The following UBR2 variants were observed in gnomAD, a reference collection of about 807,000 sequenced individuals.
UBR2 encodes ubiquitin protein ligase E3 component n-recognin 2, also known as E3 ubiquitin-protein ligase UBR2.
In UBR2, 92 loss-of-function variants were observed where a neutral mutation model predicts 247.9. The observed-to-expected ratio is 0.37, with a 90% confidence interval of 0.31 to 0.44. The LOEUF is 0.44. UBR2 is among the 20% of genes least tolerant of loss of function. UBR2 has a pLI of 1.00. For missense variants in UBR2, 1,613 were observed against 2,112.6 expected (o/e 0.76, Z 4.64); for synonymous variants, 672 against 693.5 (o/e 0.97, Z 0.49).
At position 42,659,562 on chromosome 6, in the gene UBR2, C is replaced by CCTG; in HGVS notation, c.3243-94_3243-93insCTG. The CCTG allele has an allele frequency of 1.4e-6, 1 of 712,602 alleles. No homozygotes were observed. The highest frequency in any genetic ancestry group is 2.2e-6 in the Non-Finnish European group (1 of 444,924). The allele number at this position is 712,602 out of a possible 1,614,324, so 44.1% of individuals were successfully genotyped here. On this transcript the variant is annotated intron_variant, in intron 29 of 46. Coordinates refer to ENST00000372901, the MANE Select transcript of UBR2 (RefSeq NM_001363705.2). The surrounding 1 kb of genome is among the most constrained non-coding windows in gnomAD (Gnocchi z 4.3). ...ACACACACACACACACACACACACACTACACACACACACACATACCTGTAG... is the reference window on the plus strand; with the variant it reads ...ACACACACACACACACACACACACACCTGTACACACACACACACATACCTGTAG...
intron 11 of UBR2, among the ~76,000 whole-genome samples, chr6:42,629,524 G>A (rs1386973696): frequency 6.6e-6 from 1 of 152,018 alleles, no homozygotes; most frequent in Non-Finnish European, 1.5e-5. Context: ...AAGCGTGGTG[G>A]CACACACCTG....
chr6:42,674,040 C>T (rs1798583899), intron 37 of UBR2, 86 bp from the exon 38 acceptor site: 1 of 1,428,464 alleles, frequency 7.0e-7, no homozygotes, highest in Non-Finnish European at 9.6e-7. Context: ...ATGTGTCTTG[C>T]AAGAAGATAA....
intron 5 of UBR2, among the ~76,000 whole-genome samples, chr6:42,605,473 C>A (rs1049702286): frequency 2.6e-5 from 4 of 152,144 alleles, no homozygotes; most frequent in Non-Finnish European, 4.4e-5. Context: ...CTCTGAGCTC[C>A]CAGGCCTGTT....
chr6:42,581,239 A>G (rs1432385880), intron 2 of UBR2, among the ~76,000 whole-genome samples: 1 of 149,894 alleles, frequency 6.7e-6, no homozygotes, highest in African/African-American at 2.5e-5. Context: ...GCCCAGGCTG[A>G]AGTGCAGTGG....
intron 2 of UBR2, among the ~76,000 whole-genome samples, chr6:42,581,840 A>G (rs1188210795): frequency 3.9e-5 from 6 of 152,178 alleles, no homozygotes; most frequent in African/African-American, 1.4e-4. Context: ...TTTGGCTATT[A>G]TGAATAAAAC....
intron 11 of UBR2, among the ~76,000 whole-genome samples, chr6:42,631,675 C>T (rs1001570069): frequency 3.3e-5 from 5 of 151,084 alleles, no homozygotes; most frequent in South Asian, 2.1e-4. Flanking sequence ...AAAAGAATGA[C>T]GAGCATTTGT....
chr6:42,684,860 A>G lies in UBR2; in HGVS notation c.4842A>G (p.Ala1614=), dbSNP rs530874209. 16 of 1,612,456 alleles carry G rather than the reference A, an allele frequency of 9.9e-6. No homozygotes were observed. Among genetic ancestry groups the G allele is most frequent in the South Asian group, 5.5e-5 (5 of 90,794 alleles). The change falls in exon 44 of 47, where the codon GCA becomes GCG. Residue 1614 remains alanine (A), a synonymous_variant. Transcript: ENST00000372901. ...PEDYSSLINQ[A]SNFSCPKSGG... ...ATTACAGCAGCCTCATTAATCAAGC[A>G]TCCAATTTCTCGTAAGTTTTGCTGT...
At chr6:42,669,084 C>T (rs886831626) in intron 34 of UBR2, among the ~76,000 whole-genome samples, 1 of 151,910 alleles carries the variant, frequency 6.6e-6, no homozygotes, top group African/African-American at 2.4e-5. Flanking sequence ...CCACCATGTC[C>T]CACTCATTTT....
chr6:42,637,207 C>G lies in UBR2; in HGVS notation c.1858+13C>G. On this transcript the variant is annotated intron_variant, in intron 15 of 46. Transcript: ENST00000372901. The stretch of plus-strand genomic sequence containing the variant: ...CGCTTACTTGCAGGTAAAGCATTTC[C>G]CCTAAAATAAAACCCTAAAATTATC... The G allele has an allele frequency of 6.2e-7, 1 of 1,600,874 alleles. No homozygotes were observed. The highest frequency in any genetic ancestry group is 8.5e-7 in the Non-Finnish European group (1 of 1,172,040).
intron 1 of UBR2, among the ~76,000 whole-genome samples, chr6:42,573,130 A>G (rs1791271204): frequency 6.6e-6 from 1 of 152,128 alleles, no homozygotes; most frequent in African/African-American, 2.4e-5. Flanking sequence ...ATTTGTTTTT[A>G]GTGGGGAGAG....
At chr6:42,644,965 A>C (rs527363382) in intron 20 of UBR2, among the ~76,000 whole-genome samples, 1 of 152,134 alleles carries the variant, frequency 6.6e-6, no homozygotes, top group Non-Finnish European at 1.5e-5. Flanking sequence ...TGTGGCTAAT[A>C]GATGTGGATT....
chr6:42,669,595 A>T lies in UBR2; in HGVS notation c.3882-497A>T, dbSNP rs540463034. On this transcript the variant is annotated intron_variant, in intron 34 of 46. Transcript: ENST00000372901. Reference sequence around the variant, plus strand: ...TTGATGCTTTCCTTAAATGTTTATTAGTCCTTGGATAACTATTTAAGCATA... The same window carrying T: ...TTGATGCTTTCCTTAAATGTTTATTTGTCCTTGGATAACTATTTAAGCATA... Among the ~76,000 whole-genome samples the T allele has an allele frequency of 1.3e-3, 202 of 152,184 alleles. 2 individuals are homozygous for T. The highest frequency in any genetic ancestry group is 4.3e-3 in the African/African-American group (177 of 41,522).
chr6:42,627,701 A>G (rs2151947658), intron 11 of UBR2, among the ~76,000 whole-genome samples: 1 of 151,840 alleles, frequency 6.6e-6, no homozygotes, highest in South Asian at 2.1e-4. Flanking sequence ...TAGTAGAGAC[A>G]ATGTCTTGCT....
At chr6:42,590,698 A>G (rs1015631486) in intron 2 of UBR2, among the ~76,000 whole-genome samples, 1 of 152,250 alleles carries the variant, frequency 6.6e-6, no homozygotes, top group Non-Finnish European at 1.5e-5. Flanking sequence ...ATATCAAGTG[A>G]TAACTAGTAG....
chr6:42,654,949 G>A (rs922229020), intron 25 of UBR2, among the ~76,000 whole-genome samples: 2 of 152,172 alleles, frequency 1.3e-5, no homozygotes, highest in Non-Finnish European at 2.9e-5. Flanking sequence ...TGGGGGATAC[G>A]TTTAGCTTTA....
intron 29 of UBR2, 57 bp downstream of exon 29, chr6:42,658,881 A>G (rs1217339789): frequency 2.9e-5 from 43 of 1,471,810 alleles, no homozygotes; most frequent in Non-Finnish European, 3.8e-5. Flanking sequence ...AACTAGGGGC[A>G]GTGTTGCGTT....
At chr6:42,570,377 C>T (rs1015183841) in intron 1 of UBR2, among the ~76,000 whole-genome samples, 2 of 152,076 alleles carry the variant, frequency 1.3e-5, no homozygotes, top group Non-Finnish European at 2.9e-5. Context: ...GGATTACAGG[C>T]GTGCACCACC....
At chr6:42,676,567 T>C (rs1255606397) in intron 39 of UBR2, among the ~76,000 whole-genome samples, 1 of 152,250 alleles carries the variant, frequency 6.6e-6, no homozygotes, top group African/African-American at 2.4e-5. Flanking sequence ...TAAGACTATA[T>C]TTATTTGATT....
chr6:42,663,283 G>C lies in UBR2; in HGVS notation c.3562G>C (p.Glu1188Gln), dbSNP rs965988013. 2.5e-6 allele frequency: 4 copies of C among 1,610,714 alleles called. No homozygotes were observed. In the African/African-American group the frequency reaches 5.4e-5, roughly 22 times the overall value. The part of the protein sequence containing the change: ...QRYFDSVQAK[E>Q]QRRQQRLRLH... ...GTATTTTGATTCCGTTCAAGCTAAA[G>C]AACAGCGAAGGCAACAGAGATTACG... is the stretch of plus-strand genomic sequence containing the variant. Residue 1188 changes from glutamate to glutamine, a missense_variant, in exon 32 of 47, where the codon GAA becomes CAA. Around this residue, in one of 3 missense-constraint regions of UBR2, gnomAD observed 1,524 missense variants for 1,967.3 expected, o/e 0.77. Transcript: ENST00000372901.
Sources: gnomAD v4.1 joint callset for allele counts (sites outside exome capture counted in the v4.1 genomes callset) on GRCh38, gnomAD v4.1.1 for gene constraint, gnomAD v4.1.1 regional missense constraint, Gnocchi (gnomAD v3.1) non-coding constraint, MANE v1.5 for transcripts, NCBI Gene and HGNC (gene_info 2026-07-23, HGNC 2026-07-21) for gene names.